CDC42BPA: variants seen among roughly 807,000 people sequenced by gnomAD.
The protein encoded by CDC42BPA is serine/threonine-protein kinase MRCK alpha.
In CDC42BPA, 80 loss-of-function variants were observed where a neutral mutation model predicts 223.5. The ratio of observed to expected loss-of-function variants is 0.36; its 90% CI spans 0.30 to 0.43. CDC42BPA has a LOEUF of 0.43. CDC42BPA is among the 20% of genes least tolerant of loss of function. CDC42BPA has a pLI of 1.00. For synonymous variants in CDC42BPA, 694 were observed against 718.6 expected, an observed-to-expected ratio of 0.97 and a Z score of 0.55; for missense variants, 1,743 against 2,099.9, an observed-to-expected ratio of 0.83 and a Z score of 3.32.
intron 27 of CDC42BPA, among the ~76,000 whole-genome samples, chr1:227,032,775 C>T (rs1237164220): frequency 6.6e-6 from 1 of 152,166 alleles, no homozygotes; most frequent in East Asian, 1.9e-4. Flanking sequence ...GAACTGAGAT[C>T]ACCCAGCTAA....
At chr1:227,153,770 TAGA>T (rs1662222883) in intron 6 of CDC42BPA, among the ~76,000 whole-genome samples, 1 of 151,960 alleles carries the variant, frequency 6.6e-6, no homozygotes, top group East Asian at 1.9e-4. Flanking sequence ...CAAAATAAAA[TAGA>T]AGAAAACAAA....
chr1:227,086,999 C>T (rs1682082319), intron 16 of CDC42BPA, among the ~76,000 whole-genome samples: 1 of 152,090 alleles, frequency 6.6e-6, no homozygotes, highest in Admixed American at 6.5e-5. Flanking sequence ...ATTATGAATA[C>T]AAGTCTTTTT....
Position 227,051,507 on chromosome 1 carries a change from G to A in CDC42BPA, c.3009+374C>T, listed in dbSNP as rs16846881. Among the ~76,000 whole-genome samples the A allele has an allele frequency of 2.2e-3, 331 of 152,174 alleles. 9 individuals carry two copies. In the East Asian group the frequency reaches 0.045, roughly 21 times the overall value. On this transcript the variant is annotated intron_variant, in intron 22 of 36. Transcript: ENST00000366766. ...TTTCAGCTCTATTTATGATGTAACA[G>A]GTTAGTTATATCATGACCTATTACA...
chr1:227,120,065 C>T, intron 11 of CDC42BPA, 128 bp from the exon 12 acceptor site: 1 of 601,516 alleles, frequency 1.7e-6, no homozygotes, highest in Admixed American at 3.5e-5. Flanking sequence ...ACAGTGTATA[C>T]CAGTATGACT....
At chr1:227,023,864 A>G (rs933417095) in intron 31 of CDC42BPA, among the ~76,000 whole-genome samples, 2 of 152,220 alleles carry the variant, frequency 1.3e-5, no homozygotes, top group Admixed American at 6.5e-5. Context: ...GGCTGGGTAT[A>G]TACATTTAAA....
At chr1:227,314,266 T>C (rs1003766032) in intron 1 of CDC42BPA, among the ~76,000 whole-genome samples, 11 of 152,214 alleles carry the variant, frequency 7.2e-5, no homozygotes, top group African/African-American at 9.6e-5. Context: ...ACAAAAAACA[T>C]AGTCTTTCAA....
At chr1:227,182,573 G>A (rs1179807345) in intron 5 of CDC42BPA, among the ~76,000 whole-genome samples, 3 of 152,126 alleles carry the variant, frequency 2.0e-5, no homozygotes, top group Non-Finnish European at 4.4e-5. Context: ...TATGATAACT[G>A]TAGCACAATA....
chr1:227,089,343 G>C (rs989099647), intron 16 of CDC42BPA, among the ~76,000 whole-genome samples: 6 of 152,150 alleles, frequency 3.9e-5, no homozygotes, highest in African/African-American at 1.4e-4. Flanking sequence ...GGAAAGTGAA[G>C]ATGTACAGTG....
chr1:227,265,310 C>T (rs981469151), intron 1 of CDC42BPA: 1 of 454,490 alleles, frequency 2.2e-6, no homozygotes, highest in African/African-American at 2.0e-5. Context: ...CGTTTCCCTA[C>T]CTGTACAGGT....
chr1:227,246,960 G>C (rs973976125), intron 2 of CDC42BPA, among the ~76,000 whole-genome samples: 2 of 152,200 alleles, frequency 1.3e-5, no homozygotes, highest in African/African-American at 4.8e-5. Flanking sequence ...CAGCACCATG[G>C]GAGGCCGAGG....
At chr1:227,104,596 C>T (rs930418546) in intron 14 of CDC42BPA, among the ~76,000 whole-genome samples, 11 of 152,038 alleles carry the variant, frequency 7.2e-5, no homozygotes, top group Non-Finnish European at 1.3e-4. Context: ...CTTCAAATTC[C>T]TATGTTGAAG....
At chr1:227,241,998 T>C (rs2148121608) in intron 2 of CDC42BPA, among the ~76,000 whole-genome samples, 1 of 152,232 alleles carries the variant, frequency 6.6e-6, no homozygotes, top group African/African-American at 2.4e-5. Flanking sequence ...AATGTAAGAT[T>C]ATAAAATAGA....
chr1:227,138,426 TTCAAAGG>T (rs1232265679), intron 10 of CDC42BPA, among the ~76,000 whole-genome samples: 1 of 148,958 alleles, frequency 6.7e-6, no homozygotes, highest in South Asian at 2.1e-4. Flanking sequence ...TATTCTAACA[TTCAAAGG>T]TCGAAGAGTT....
At chr1:227,309,069 G>GA (rs1304083555) in intron 1 of CDC42BPA, among the ~76,000 whole-genome samples, 1 of 151,494 alleles carries the variant, frequency 6.6e-6, no homozygotes, top group Non-Finnish European at 1.5e-5. Context: ...ATCTAAATCA[G>GA]AAAAAAGAAA....
intron 15 of CDC42BPA, among the ~76,000 whole-genome samples, chr1:227,096,045 T>A (rs1186621869): frequency 6.6e-6 from 1 of 152,188 alleles, no homozygotes; most frequent in Non-Finnish European, 1.5e-5. Context: ...GAACAAACAA[T>A]GTAAGTAATG....
intron 1 of CDC42BPA, among the ~76,000 whole-genome samples, chr1:227,256,824 G>A (rs1683113511): frequency 6.6e-6 from 1 of 151,936 alleles, no homozygotes; most frequent in South Asian, 2.1e-4. Context: ...CAAAAGAAGA[G>A]ATTCAAACAG....
intron 2 of CDC42BPA, among the ~76,000 whole-genome samples, chr1:227,241,933 A>G (rs978603983): frequency 1.2e-4 from 18 of 152,316 alleles, no homozygotes; most frequent in Non-Finnish European, 1.5e-5. Flanking sequence ...CTTTCAGAGA[A>G]TTGAGAAAAA....
chr1:227,100,231 T>C (rs924628582), intron 15 of CDC42BPA, among the ~76,000 whole-genome samples: 17 of 152,120 alleles, frequency 1.1e-4, no homozygotes, highest in Admixed American at 4.6e-4. Context: ...TATCACCACC[T>C]GAGGCCCACA....
intron 16 of CDC42BPA, among the ~76,000 whole-genome samples, chr1:227,082,438 G>A (rs1680887041): frequency 6.6e-6 from 1 of 151,876 alleles, no homozygotes; most frequent in Admixed American, 6.6e-5. Context: ...GTCCTGGCTG[G>A]GCACGGTGGC....
Sources: gnomAD v4.1 joint callset for allele counts (sites outside exome capture counted in the v4.1 genomes callset) on GRCh38, gnomAD v4.1.1 for gene constraint, MANE v1.5 for transcripts, NCBI Gene and HGNC (gene_info 2026-07-23, HGNC 2026-07-21) for gene names.